The following ACSL6 variants were observed in gnomAD, a reference collection of about 807,000 sequenced individuals.
ACSL6 encodes acyl-CoA synthetase long chain family member 6.
ACSL6 carries 47 observed loss-of-function variants against 98.2 expected under a neutral mutation model. That is an observed-to-expected ratio of 0.48 (90% CI 0.38 to 0.61). ACSL6 has a LOEUF of 0.61. Ranked by LOEUF, ACSL6 falls within the 20% of genes least tolerant of loss-of-function variation. ACSL6 has a pLI of 0.00. For synonymous variants in ACSL6, 362 were observed against 336.9 expected (o/e 1.07, Z -0.82); for missense variants, 761 against 913.4 (o/e 0.83, Z 2.15).
chr5:131,964,116 G>C (rs1054235046), intron 17 of ACSL6, among the ~76,000 whole-genome samples: 1 of 152,134 alleles, frequency 6.6e-6, no homozygotes, highest in Non-Finnish European at 1.5e-5. Flanking sequence ...ATCATTCAAA[G>C]CTTGAACATA....
At chr5:131,986,773 C>T in intron 8 of ACSL6, 49 bp downstream of exon 8, 12 of 1,609,604 alleles carry the variant, frequency 7.5e-6, no homozygotes, top group Non-Finnish European at 1.0e-5. Flanking sequence ...TGAGGACAGG[C>T]CCTGCACGCC....
chr5:131,971,523 C>G (rs752742060), intron 14 of ACSL6, 27 bp downstream of exon 14: 2 of 1,567,608 alleles, frequency 1.3e-6, no homozygotes, highest in Admixed American at 3.6e-5. Context: ...CCTGCTGTTT[C>G]CAAGGGAGGA....
At chr5:131,959,824 T>C (rs1475932717) in intron 19 of ACSL6, 9 of 588,970 alleles carry the variant, frequency 1.5e-5, no homozygotes, top group Non-Finnish European at 3.0e-6. Context: ...TGACCATGAA[T>C]GGGCTAAGGG....
At chr5:131,987,885 C>A (rs1754282212) in intron 7 of ACSL6, among the ~76,000 whole-genome samples, 163 bp downstream of exon 7, 1 of 152,172 alleles carries the variant, frequency 6.6e-6, no homozygotes. Context: ...CCAACCCCAC[C>A]ACTCACCACC....
At chr5:131,976,564 GA>G in intron 10 of ACSL6, 83 bp downstream of exon 10, 1 of 1,203,446 alleles carries the variant, frequency 8.3e-7, no homozygotes, top group South Asian at 1.4e-5. Context: ...AAAAGAAAAA[GA>G]AAACAAACAA....
rs760128883 is a variant in ACSL6, at chr5:131,971,624, G to T, written c.1360C>A (p.Arg454=). The T allele has an allele frequency of 1.2e-6, 2 of 1,610,122 alleles. No individual in the cohort carries two copies. The highest frequency in any genetic ancestry group is 2.7e-5 in the African/African-American group (2 of 74,842). The stretch of plus-strand genomic sequence containing the variant: ...GGGGCTGCTCCAGTAACAATCATCC[G>T]CACACACCCACCAAGACTGGCCTGT... ...KIQASLGGCV[R]MIVTGAAPAS... The change falls in exon 14 of 21, where the codon CGG becomes AGG. Residue 454 remains arginine (R), a synonymous_variant. Coordinates refer to ENST00000651883, the MANE Select transcript of ACSL6 (RefSeq NM_001009185.3).
At chr5:131,970,092 C>T (rs749362915) in intron 15 of ACSL6, 36 bp downstream of exon 15, 1 of 1,604,188 alleles carries the variant, frequency 6.2e-7, no homozygotes, top group Non-Finnish European at 8.5e-7. Flanking sequence ...TCCACAGTGC[C>T]TCGCGAGCCA....
chr5:131,972,727 A>G lies in ACSL6; in HGVS notation c.1335T>C (p.Ile445=). 1 of 1,614,064 alleles carries G rather than the reference A, an allele frequency of 6.2e-7. No homozygotes were observed. The highest frequency in any genetic ancestry group is 8.5e-7 in the Non-Finnish European group (1 of 1,180,026). The change falls in exon 13 of 21, where the codon ATT becomes ATC. Residue 445 remains isoleucine (I), a synonymous_variant. Transcript: ENST00000651883. ...AATCACTTGTTCATTTTCTTACCTG[A>G]ATCTTATTAAAGAAGAGTTCATCCC... is the stretch of plus-strand genomic sequence containing the variant. ...SIWDELFFNK[I]QASLGGCVRM...
chr5:131,975,246 G>A, intron 10 of ACSL6: 1 of 1,293,014 alleles, frequency 7.7e-7, no homozygotes, highest in Non-Finnish European at 9.9e-7. Flanking sequence ...GTGGGTCTAG[G>A]TTATCTGCAG....
At position 131,990,833 on chromosome 5, in the gene ACSL6, C is replaced by G. The variant is rs767887501; in HGVS notation, c.385+20G>C. The G allele has an allele frequency of 1.9e-5, 31 of 1,610,624 alleles. No individual in the cohort carries two copies. The highest frequency in any genetic ancestry group is 2.5e-5 in the Non-Finnish European group (29 of 1,177,246). On this transcript the variant is annotated intron_variant, in intron 3 of 20. Coordinates refer to ENST00000651883, the MANE Select transcript of ACSL6 (RefSeq NM_001009185.3). ...CCTGCCACACAGCCCCTCCACACCCCCCCCCACAACCCTTCTCACCTGAGA... is the reference window on the plus strand; with the variant it reads ...CCTGCCACACAGCCCCTCCACACCCGCCCCCACAACCCTTCTCACCTGAGA...
At chr5:132,001,546 A>G (rs536848946) in intron 1 of ACSL6, among the ~76,000 whole-genome samples, 1 of 152,318 alleles carries the variant, frequency 6.6e-6, no homozygotes, top group South Asian at 2.1e-4. Flanking sequence ...CATGAGATAG[A>G]GGCCCAGGAT....
chr5:131,974,437 A>T (rs1388825248), intron 11 of ACSL6, among the ~76,000 whole-genome samples: 3 of 152,178 alleles, frequency 2.0e-5, no homozygotes, highest in Non-Finnish European at 4.4e-5. Flanking sequence ...TTGGTCATAA[A>T]CGGAGCTGTA....
intron 9 of ACSL6, among the ~76,000 whole-genome samples, chr5:131,979,067 A>G (rs1753768851): frequency 6.6e-6 from 1 of 152,224 alleles, no homozygotes; most frequent in Non-Finnish European, 1.5e-5. Context: ...AAAAAGTGCC[A>G]TGGGGTCTAA....
intron 9 of ACSL6, among the ~76,000 whole-genome samples, chr5:131,978,771 A>T (rs1043811760): frequency 6.6e-6 from 1 of 152,222 alleles, no homozygotes; most frequent in Admixed American, 6.5e-5. Flanking sequence ...GATAAAAATA[A>T]AGTTGCTCTC....
intron 17 of ACSL6, among the ~76,000 whole-genome samples, chr5:131,965,588 G>A (rs1752974470): frequency 1.3e-5 from 2 of 152,106 alleles, no homozygotes; most frequent in Non-Finnish European, 2.9e-5. Context: ...CAGATGGGAT[G>A]GCGGGCACCT....
At chr5:131,987,356 C>A (rs1754252176) in intron 7 of ACSL6, among the ~76,000 whole-genome samples, 1 of 152,212 alleles carries the variant, frequency 6.6e-6, no homozygotes, top group Non-Finnish European at 1.5e-5. Context: ...TCTGGATGAG[C>A]AGTCAGTGCT....
intron 1 of ACSL6, among the ~76,000 whole-genome samples, chr5:132,007,205 C>T (rs1755458301): frequency 6.6e-6 from 1 of 152,156 alleles, no homozygotes; most frequent in South Asian, 2.1e-4. Context: ...CCCAGTTCTA[C>T]CCACACCTCC....
intron 1 of ACSL6, among the ~76,000 whole-genome samples, chr5:132,009,936 G>C (rs1755620313): frequency 6.6e-6 from 1 of 152,172 alleles, no homozygotes; most frequent in South Asian, 2.1e-4. Context: ...CCATGGTTGG[G>C]TGGGGCCTCC....
chr5:131,991,088 C>T (rs112107050), intron 2 of ACSL6, 121 bp from the exon 3 acceptor site: 8 of 777,186 alleles, frequency 1.0e-5, no homozygotes, highest in African/African-American at 5.1e-5. Flanking sequence ...CAGTTAGCAC[C>T]GTGGCATCTG....
Sources: allele counts gnomAD v4.1 joint callset (sites outside exome capture counted in the v4.1 genomes callset), GRCh38; gene constraint gnomAD v4.1.1; transcripts MANE v1.5; gene names NCBI Gene and HGNC (gene_info 2026-07-23, HGNC 2026-07-21).